Variants in EML4 observed in about 807,000 individuals in gnomAD.
EML4 encodes the protein echinoderm microtubule-associated protein-like 4.
EML4 carries 72 observed loss-of-function variants against 129.0 expected under a neutral mutation model. That is an observed-to-expected ratio of 0.56 (90% confidence interval 0.46 to 0.68). EML4 has a LOEUF of 0.68. Ranked by LOEUF, EML4 falls within the 30% of genes least tolerant of loss-of-function variation. The pLI, the probability that EML4 is intolerant of heterozygous loss-of-function variation, is 0.00. For synonymous variants in EML4, 532 were observed against 405.0 expected (o/e 1.31, Z -3.77); for missense variants, 1,363 against 1,190.6 (o/e 1.14, Z -2.13).
chr2:42,214,154 A>G (rs1392609418), intron 1 of EML4, among the ~76,000 whole-genome samples: 1 of 152,234 alleles, frequency 6.6e-6, no homozygotes, highest in African/African-American at 2.4e-5. Context: ...CTTTCTTAAG[A>G]CAACAGCTTG....
intron 21 of EML4, among the ~76,000 whole-genome samples, chr2:42,327,337 T>C (rs1669862296): frequency 6.6e-6 from 1 of 152,246 alleles, no homozygotes; most frequent in Non-Finnish European, 1.5e-5. Flanking sequence ...TAGACATGTT[T>C]TCATTTCTCT....
chr2:42,182,922 A>G (rs1427893184), intron 1 of EML4, among the ~76,000 whole-genome samples: 1 of 151,996 alleles, frequency 6.6e-6, no homozygotes, highest in African/African-American at 2.4e-5. Context: ...GTGTGTCCAG[A>G]TTTCCTCTTC....
Position 42,263,374 on chromosome 2 carries a change from C to T in EML4, c.641+68C>T, listed in dbSNP as rs865913410. On this transcript the variant is annotated intron_variant, in intron 5 of 22. Coordinates refer to ENST00000318522, the MANE Select transcript of EML4 (RefSeq NM_019063.5). ...TATTTGGCTATTATGTTTGCATGTA[C>T]AGTTATGTATGTCTGGTTTGAATCT... The T allele has an allele frequency of 4.7e-4, 266 of 571,658 alleles. 1 individual carries two copies. The highest frequency in any genetic ancestry group is 1.6e-3 in the Middle Eastern group (3 of 1,922). The allele number at this position is 571,658 out of a possible 1,614,324, so 35.4% of individuals were successfully genotyped here. A position where few individuals can be genotyped will look rare whatever the true frequency, so the allele number is the denominator to read the frequency against.
intron 6 of EML4, among the ~76,000 whole-genome samples, chr2:42,272,478 G>C (rs1666432535): frequency 6.6e-6 from 1 of 151,898 alleles, no homozygotes; most frequent in Admixed American, 6.6e-5. Context: ...TTGATTCAGG[G>C]GTTTTTTTCA....
chr2:42,254,250 T>G (rs1010264804), intron 2 of EML4, among the ~76,000 whole-genome samples: 1 of 151,878 alleles, frequency 6.6e-6, no homozygotes, highest in Non-Finnish European at 1.5e-5. Context: ...AACCTAAGAG[T>G]TAGAGACCAG....
chr2:42,186,807 T>G (rs917769732), intron 1 of EML4, among the ~76,000 whole-genome samples: 18 of 152,164 alleles, frequency 1.2e-4, no homozygotes, highest in African/African-American at 4.1e-4. Context: ...TCAGCTTTAT[T>G]GAGCTGTCCT....
chr2:42,255,022 T>C (rs1013519560), intron 2 of EML4, among the ~76,000 whole-genome samples: 1 of 152,098 alleles, frequency 6.6e-6, no homozygotes, highest in African/African-American at 2.4e-5. Flanking sequence ...AAACAAGGTA[T>C]GGCTTCTTTG....
rs763474548 is a variant in EML4 at position 42,263,186 on chromosome 2, G to A, written c.521G>A (p.Arg174Gln). Residue 174 changes from arginine (R) to glutamine (Q), a missense_variant, in exon 5 of 23, where the codon CGA becomes CAA. Transcript: ENST00000318522. Reference protein sequence around the residue: ...KNATPTKSIKRPSPAEKSHNS... With the variant: ...KNATPTKSIKQPSPAEKSHNS... ...ATTAATGTTCCTTCTAGCATAAAAC[G>A]ACCATCACCAGCTGAAAAGTCACAT... is the stretch of plus-strand genomic sequence containing the variant. 5.6e-6 allele frequency: 9 copies of A among 1,610,450 alleles called. No homozygotes were observed. The highest frequency in any genetic ancestry group is 1.7e-5 in the Admixed American group (1 of 59,230).
At chr2:42,310,370 A>C (rs116220300) in intron 17 of EML4, among the ~76,000 whole-genome samples, 2,869 of 144,216 alleles carry the variant, frequency 0.02, 97 homozygotes, top group African/African-American at 0.07. Flanking sequence ...CCTTTTGCAG[A>C]GTCTTGCTCT....
At position 42,269,491 on chromosome 2, in the gene EML4, T is replaced by TA. The variant is rs536291529; in HGVS notation, c.667+4761dup. Among the ~76,000 whole-genome samples the TA allele has an allele frequency of 1.6e-3, 251 of 152,322 alleles. 1 individual carries two copies. The highest frequency in any genetic ancestry group is 1.4e-3 in the Non-Finnish European group (96 of 68,010). On this transcript the variant is annotated intron_variant, in intron 6 of 22. Coordinates refer to ENST00000318522, the MANE Select transcript of EML4 (RefSeq NM_019063.5). ...TTACAGTGTTGAACTGTGTGGAACT[T>TA]ACATTCATGCTCCATAGACAAAACA...
chr2:42,197,409 A>AC (rs143338123), intron 1 of EML4, among the ~76,000 whole-genome samples: 5,141 of 151,980 alleles, frequency 0.034, 289 homozygotes, highest in African/African-American at 0.12. Context: ...AAGAAAAAGA[A>AC]CCCCCCAAAA....
At chr2:42,192,945 T>C (rs928609188) in intron 1 of EML4, among the ~76,000 whole-genome samples, 8 of 152,176 alleles carry the variant, frequency 5.3e-5, no homozygotes, top group African/African-American at 1.9e-4. Context: ...TGAAACTGCT[T>C]TGCAGACTCT....
chr2:42,221,702 C>G (rs554587308), intron 1 of EML4, among the ~76,000 whole-genome samples: 121 of 151,954 alleles, frequency 8.0e-4, no homozygotes, highest in Non-Finnish European at 1.5e-3. Flanking sequence ...CTCCTGGGTT[C>G]AAGGGATTCT....
At chr2:42,271,412 A>AT (rs34583088) in intron 6 of EML4, among the ~76,000 whole-genome samples, 3 of 151,598 alleles carry the variant, frequency 2.0e-5, no homozygotes, top group African/African-American at 4.8e-5. Flanking sequence ...TCTGTTGGAG[A>AT]TTTTTTTTTA....
chr2:42,329,755 G>T lies in EML4; in HGVS notation c.2494G>T (p.Ala832Ser). ...KAKAPSHKYS[A>S]HSSHVTNVSF... ...ATAGGCTCCCAGTCACAAGTACAGT[G>T]CCCACAGCAGCCATGTCACCAATGT... The change falls in exon 23 of 23, where the codon GCC (alanine) becomes TCC (serine). Residue 832 changes from alanine (A) to serine (S), a missense_variant. Ala to Ser is a moderately conservative substitution (Grantham distance 99). Coordinates refer to ENST00000318522, the MANE Select transcript of EML4 (RefSeq NM_019063.5). 1 of 1,613,950 alleles carries T rather than the reference G, an allele frequency of 6.2e-7. No individual in the cohort carries two copies.
At chr2:42,307,362 T>A (rs72972050) in intron 17 of EML4, among the ~76,000 whole-genome samples, 1,663 of 152,328 alleles carry the variant, frequency 0.011, 41 homozygotes, top group African/African-American at 0.038. Context: ...GAGAGTGATG[T>A]GATAACTAAA....
intron 19 of EML4, among the ~76,000 whole-genome samples, chr2:42,322,833 A>G (rs1558612222): frequency 1.3e-5 from 2 of 152,194 alleles, no homozygotes; most frequent in African/African-American, 2.4e-5. Context: ...ATAGACCCCA[A>G]CAGCTGCATT....
chr2:42,217,917 C>T (rs79585748), intron 1 of EML4, among the ~76,000 whole-genome samples: 19,602 of 152,072 alleles, frequency 0.13, 1,388 homozygotes, highest in Middle Eastern at 0.22. Context: ...TTGGAACATC[C>T]GTAGGGTACT....
intron 1 of EML4, among the ~76,000 whole-genome samples, chr2:42,202,631 G>T (rs750591016): frequency 2.2e-4 from 33 of 152,152 alleles, no homozygotes; most frequent in Non-Finnish European, 4.6e-4. Context: ...ACAGGAGAAA[G>T]ATGGAGGCCA....
Sources: allele counts gnomAD v4.1 joint callset (sites outside exome capture counted in the v4.1 genomes callset), GRCh38; gene constraint gnomAD v4.1.1; transcripts MANE v1.5; gene names NCBI Gene and HGNC (gene_info 2026-07-23, HGNC 2026-07-21).